Variants in COG4 observed in about 807,000 individuals in gnomAD.
COG4 encodes the protein conserved oligomeric Golgi complex subunit 4.
Under a neutral mutation model 95.1 loss-of-function variants are expected in COG4, and 65 were observed. That is an observed-to-expected ratio of 0.68 (90% confidence interval 0.56 to 0.84). COG4 has a LOEUF of 0.84. Among genes scored for constraint, COG4 ranks in the 40% least tolerant of loss-of-function variants. COG4 has a pLI of 0.00. For synonymous variants in COG4, 421 were observed against 374.8 expected (o/e 1.12, Z -1.42); for missense variants, 1,045 against 989.1 (o/e 1.06, Z -0.76).
chr16:70,502,513 G>A (rs996627375), intron 8 of COG4, among the ~76,000 whole-genome samples: 3 of 129,424 alleles, frequency 2.3e-5, no homozygotes, highest in Non-Finnish European at 5.1e-5. Context: ...AGGCGGGAGA[G>A]TCGCTTGAAC....
rs1031782451 is a variant in COG4, at chr16:70,508,007, G to A, written c.1061+399C>T. 1.7e-4 allele frequency among the ~76,000 whole-genome samples: 26 copies of A among 151,724 alleles called. 1 individual carries two copies. The highest frequency in any genetic ancestry group is 2.1e-4 in the South Asian group (1 of 4,794). ...GCAATCTTGGCTCACTGCAACCTCC[G>A]CCTCCTGGGTTGAAGTGATTCTCCT... On this transcript the variant is annotated intron_variant, in intron 8 of 18. Coordinates refer to ENST00000323786, the MANE Select transcript of COG4 (RefSeq NM_015386.3).
chr16:70,496,167 A>G, intron 12 of COG4, 99 bp downstream of exon 12: 1 of 1,266,166 alleles, frequency 7.9e-7, no homozygotes, highest in Non-Finnish European at 1.1e-6. Context: ...ACACTGGAGG[A>G]AAAGTCTCTA....
At chr16:70,519,861 AGACTTT>A in intron 1 of COG4, 130 bp from the exon 2 acceptor site, 2 of 725,618 alleles carry the variant, frequency 2.8e-6, no homozygotes, top group South Asian at 3.0e-5. Flanking sequence ...TGTTCTCCTT[AGACTTT>A]AACAATGCTT....
chr16:70,481,071 C>A lies in COG4; in HGVS notation c.2309G>T (p.Arg770Leu). 6.2e-7 allele frequency: 1 copy of A among 1,613,394 alleles called. No homozygotes were observed. The highest frequency in any genetic ancestry group is 8.5e-7 in the Non-Finnish European group (1 of 1,180,030). The change falls in exon 19 of 19, where the codon CGC (arginine) becomes CTC (leucine). Residue 770 changes from arginine to leucine, a missense_variant. Arg to Leu is a moderately radical substitution (Grantham distance 102, BLOSUM62 -2). Transcript: ENST00000323786. ...GTCTATCCGCAGGGCCAGCACCTGGCGCACTTCAGCAGGGGTGAGGCGCCA... is the reference window on the plus strand; with the variant it reads ...GTCTATCCGCAGGGCCAGCACCTGGAGCACTTCAGCAGGGGTGAGGCGCCA... ...LTWRLTPAEVRQVLALRIDFR... is the reference protein window; with the variant it reads ...LTWRLTPAEVLQVLALRIDFR...
Position 70,481,775 on chromosome 16 carries a change from T to C in COG4, c.2095A>G (p.Thr699Ala), listed in dbSNP as rs760243241. 1.0e-4 allele frequency: 161 copies of C among 1,613,486 alleles called. No individual in the cohort carries two copies. The highest frequency in any genetic ancestry group is 1.2e-4 in the Non-Finnish European group (147 of 1,179,822). ...CCCCTTTACCTTACCCGGTTAAAGG[T>C]GGATTTCAGCACCACTTTCTCCAAC... ...VELEKVVLKS[T>A]FNRLGGLQFD... The change falls in exon 17 of 19, where the codon ACC (threonine) becomes GCC (alanine). Residue 699 changes from threonine (T) to alanine (A), a missense_variant. Thr to Ala is a moderately conservative substitution (Grantham distance 58). Transcript: ENST00000323786.
At chr16:70,505,197 CTTTTTTT>C (rs767606425) in intron 8 of COG4, among the ~76,000 whole-genome samples, 3 of 122,670 alleles carry the variant, frequency 2.4e-5, no homozygotes, top group Non-Finnish European at 5.1e-5. Context: ...TTTGGATTTT[CTTTTTTT>C]TTTTTTTTTT....
At chr16:70,523,221 A>C (rs950778957) in intron 1 of COG4, 152 bp downstream of exon 1, 1 of 872,130 alleles carries the variant, frequency 1.1e-6, no homozygotes, top group Non-Finnish European at 1.9e-6. Context: ...AGTTGACAGG[A>C]CTACTCATAT....
intron 9 of COG4, 80 bp downstream of exon 9, chr16:70,500,878 A>T (rs989241421): frequency 6.5e-7 from 1 of 1,549,700 alleles, no homozygotes; most frequent in Admixed American, 1.7e-5. Flanking sequence ...TTTCCTTAAT[A>T]AGAGATTTGT....
rs1030066676 is a variant in COG4 at position 70,489,078 on chromosome 16, A to T, written c.1710+1252T>A. 2.6e-5 allele frequency among the ~76,000 whole-genome samples: 4 copies of T among 152,332 alleles called. No individual in the cohort carries two copies. The East Asian group carries it at 7.7e-4, about 29-fold the overall frequency. The stretch of plus-strand genomic sequence containing the variant: ...TTGAACTTGGGGTATCTGGCTTCAA[A>T]GCCCAAGCAATTTCCACTATACTCT... On this transcript the variant is annotated intron_variant, in intron 13 of 18. Transcript: ENST00000323786.
chr16:70,513,330 C>G (rs2151760936), intron 4 of COG4, among the ~76,000 whole-genome samples: 1 of 152,206 alleles, frequency 6.6e-6, no homozygotes, highest in Middle Eastern at 3.4e-3. Context: ...TATGAGTAGG[C>G]AATATGGCCA....
intron 5 of COG4, among the ~76,000 whole-genome samples, chr16:70,511,187 A>G (rs1032516197): frequency 3.9e-5 from 6 of 152,112 alleles, no homozygotes. Context: ...TAATTTCCCA[A>G]TTTTCTTCAG....
At chr16:70,519,898 T>A (rs570128980) in intron 1 of COG4, among the ~76,000 whole-genome samples, 167 bp from the exon 2 acceptor site, 1 of 152,378 alleles carries the variant, frequency 6.6e-6, no homozygotes, top group South Asian at 2.1e-4. Flanking sequence ...TTATGTTGCA[T>A]GATTGTTATC....
chr16:70,489,337 C>T (rs758058965), intron 13 of COG4, among the ~76,000 whole-genome samples: 5 of 151,314 alleles, frequency 3.3e-5, no homozygotes, highest in South Asian at 2.1e-4. Context: ...TCTGCCTCAG[C>T]CTCCCGAGTA....
intron 12 of COG4, among the ~76,000 whole-genome samples, chr16:70,494,956 C>T (rs1253148450): frequency 1.3e-5 from 2 of 152,098 alleles, no homozygotes; most frequent in Non-Finnish European, 2.9e-5. Flanking sequence ...GTGGGGCTGC[C>T]TAAACAGCTT....
At chr16:70,513,547 A>G (rs2049755884) in intron 4 of COG4, among the ~76,000 whole-genome samples, 2 of 152,350 alleles carry the variant, frequency 1.3e-5, no homozygotes, top group Middle Eastern at 6.8e-3. Context: ...TAATTTGTAA[A>G]TTAGACATAG....
At chr16:70,490,835 A>G (rs1597662008) in intron 12 of COG4, among the ~76,000 whole-genome samples, 1 of 151,870 alleles carries the variant, frequency 6.6e-6, no homozygotes, top group Non-Finnish European at 1.5e-5. Context: ...AATTTTTTGT[A>G]TTTTTAGTAG....
intron 9 of COG4, among the ~76,000 whole-genome samples, chr16:70,500,065 G>A (rs920736222): frequency 6.6e-6 from 1 of 151,456 alleles, no homozygotes; most frequent in African/African-American, 2.4e-5. Flanking sequence ...AAACTCCTGG[G>A]CTCAAGCATC....
In COG4 at chr16:70,514,317, A is replaced by G. The variant is rs759064547; in HGVS notation, c.544+18T>C. ...ATGATTTTAACTAAACTAAAAACCA[A>G]CAGTTTCGGATGCTGACCCTCTTTG... On this transcript the variant is annotated intron_variant, in intron 4 of 18. Coordinates refer to ENST00000323786, the MANE Select transcript of COG4 (RefSeq NM_015386.3). 1.4e-5 allele frequency: 22 copies of G among 1,613,722 alleles called. No homozygotes were observed. The highest frequency in any genetic ancestry group is 7.7e-5 in the South Asian group (7 of 91,016).
intron 12 of COG4, among the ~76,000 whole-genome samples, chr16:70,493,291 C>A (rs1476721122): frequency 6.6e-6 from 1 of 151,938 alleles, no homozygotes; most frequent in African/African-American, 2.4e-5. Flanking sequence ...CTCTATACAG[C>A]ACTGTCTACC....
Sources: gnomAD v4.1 joint callset for allele counts (sites outside exome capture counted in the v4.1 genomes callset) on GRCh38, gnomAD v4.1.1 for gene constraint, MANE v1.5 for transcripts, NCBI Gene and HGNC (gene_info 2026-07-23, HGNC 2026-07-21) for gene names.